Variants in FRMD5 observed in about 807,000 individuals in gnomAD.
FRMD5 encodes the protein FERM domain-containing protein 5.
Under a neutral mutation model 69.0 loss-of-function variants are expected in FRMD5, and 20 were observed. That is an observed-to-expected ratio of 0.29 (90% CI 0.20 to 0.42). The LOEUF (loss-of-function observed/expected upper bound fraction) is 0.42, where lower values mean the gene tolerates loss of function less well. FRMD5 is among the 10% of genes least tolerant of loss of function. The pLI is 1.00. For missense variants in FRMD5, 595 were observed against 708.6 expected (o/e 0.84, Z 1.82); for synonymous variants, 271 against 260.1 (o/e 1.04, Z -0.40).
chr15:44,194,799 G>T, intron 1 of FRMD5, 154 bp downstream of exon 1: 2 of 731,324 alleles, frequency 2.7e-6, no homozygotes, highest in Non-Finnish European at 4.8e-6. Flanking sequence ...CGGTGAAGAC[G>T]CCCTGCACTA....
At chr15:44,114,753 T>C (rs1444082903) in intron 1 of FRMD5, among the ~76,000 whole-genome samples, 1 of 152,230 alleles carries the variant, frequency 6.6e-6, no homozygotes, top group African/African-American at 2.4e-5. Context: ...TATTTCATAA[T>C]ACTTTAAAAT....
At chr15:44,168,733 AT>A (rs1223829839) in intron 1 of FRMD5, among the ~76,000 whole-genome samples, 8 of 152,206 alleles carry the variant, frequency 5.3e-5, no homozygotes, top group Non-Finnish European at 1.0e-4. Context: ...ATTTGCCAAT[AT>A]CCCCAACGTA....
At chr15:44,013,403 C>A (rs531448684) in intron 1 of FRMD5, among the ~76,000 whole-genome samples, 2 of 152,258 alleles carry the variant, frequency 1.3e-5, no homozygotes, top group South Asian at 4.1e-4. Context: ...AATTCATGAG[C>A]ATTTTCTCAC....
At chr15:43,934,846 T>C (rs916659052) in intron 1 of FRMD5, among the ~76,000 whole-genome samples, 2 of 152,216 alleles carry the variant, frequency 1.3e-5, no homozygotes, top group African/African-American at 4.8e-5. Context: ...GACTGCTGGA[T>C]TTCTATATGC....
chr15:44,173,027 T>C (rs1197399865), intron 1 of FRMD5, among the ~76,000 whole-genome samples: 2 of 152,194 alleles, frequency 1.3e-5, no homozygotes, highest in Non-Finnish European at 2.9e-5. Context: ...CTTGTCATCA[T>C]TATTGGAGCA....
intron 1 of FRMD5, among the ~76,000 whole-genome samples, chr15:44,153,530 C>G (rs1318906591): frequency 1.3e-5 from 2 of 151,954 alleles, no homozygotes; most frequent in Non-Finnish European, 2.9e-5. Flanking sequence ...ATGGTGGTTA[C>G]CAGGGGTTGA....
intron 1 of FRMD5, among the ~76,000 whole-genome samples, chr15:44,009,611 C>T (rs889010304): frequency 5.9e-5 from 9 of 151,954 alleles, no homozygotes; most frequent in African/African-American, 1.9e-4. Context: ...CCTGGGAAGT[C>T]GAGGCTGCGG....
At chr15:44,092,489 AGTT>A (rs1447564903) in intron 1 of FRMD5, among the ~76,000 whole-genome samples, 1 of 152,130 alleles carries the variant, frequency 6.6e-6, no homozygotes, top group Non-Finnish European at 1.5e-5. Flanking sequence ...AAAGACACAC[AGTT>A]GTTGTTGTCA....
intron 7 of FRMD5, among the ~76,000 whole-genome samples, chr15:43,897,548 GTTC>G (rs1421642049): frequency 2.0e-5 from 3 of 151,406 alleles, no homozygotes; most frequent in East Asian, 3.9e-4. Flanking sequence ...GGGGGATGGG[GTTC>G]TTCTTTAGAG....
chr15:44,173,890 CACTAAAATGTATAAAGT>C (rs1319493146), intron 1 of FRMD5, among the ~76,000 whole-genome samples: 1 of 152,078 alleles, frequency 6.6e-6, no homozygotes, highest in Non-Finnish European at 1.5e-5. Context: ...AGCTAAATAG[CACTAAAATGTATAAAGT>C]ACTTTCAGAT....
intron 1 of FRMD5, among the ~76,000 whole-genome samples, chr15:43,950,528 C>T (rs1304903063): frequency 6.6e-6 from 1 of 152,156 alleles, no homozygotes; most frequent in Non-Finnish European, 1.5e-5. Flanking sequence ...CATTCACACC[C>T]ATTCCTGTGG....
chr15:43,932,083 CTG>C (rs2140467065), intron 1 of FRMD5, among the ~76,000 whole-genome samples: 1 of 152,326 alleles, frequency 6.6e-6, no homozygotes, highest in African/African-American at 2.4e-5. Context: ...CTAAGGATGA[CTG>C]TGGGGCTAAA....
intron 1 of FRMD5, among the ~76,000 whole-genome samples, chr15:43,970,711 C>G (rs922307740): frequency 6.6e-6 from 1 of 152,184 alleles, no homozygotes; most frequent in Admixed American, 6.5e-5. Flanking sequence ...CCTTGGCCTC[C>G]CAAAGTGCTG....
intron 1 of FRMD5, among the ~76,000 whole-genome samples, chr15:44,155,303 G>A (rs570474379): frequency 1.6e-4 from 24 of 151,874 alleles, no homozygotes; most frequent in Non-Finnish European, 2.5e-4. Flanking sequence ...ATGGTGGCAC[G>A]TGCCTGTAGT....
intron 7 of FRMD5, chr15:43,901,877 G>C (rs1595498695): frequency 2.8e-6 from 1 of 355,598 alleles, no homozygotes. Flanking sequence ...TCTGTGGGGG[G>C]CCTTCCATAT....
At chr15:43,970,118 T>C (rs931168674) in intron 1 of FRMD5, among the ~76,000 whole-genome samples, 54 of 152,256 alleles carry the variant, frequency 3.5e-4, no homozygotes, top group African/African-American at 1.3e-3. Flanking sequence ...ATGTGATTGA[T>C]GAACTAGATG....
In FRMD5 at chr15:43,905,899, C is replaced by T. The variant is rs771159532; in HGVS notation, c.480G>A (p.Lys160=). 1.9e-6 allele frequency: 3 copies of T among 1,614,260 alleles called. No homozygotes were observed. The highest frequency in any genetic ancestry group is 2.5e-6 in the Non-Finnish European group (3 of 1,180,032). The change falls in exon 6 of 14, where the codon AAG becomes AAA. Residue 160 remains lysine (K), a synonymous_variant. Coordinates refer to ENST00000417257, the MANE Select transcript of FRMD5 (RefSeq NM_032892.5). ...CTGAATGTTTAGGGAAAAACTGGAA[C>T]TTGGAGCTGTAGCCTTCAGGGTGTT... ...SGKHPEGYSS[K]FQFFPKHSEK...
chr15:43,874,478 G>A lies in FRMD5; in HGVS notation c.1136-16C>T, dbSNP rs1401664077. 2 of 1,599,562 alleles carry A rather than the reference G, an allele frequency of 1.3e-6. No individual in the cohort carries two copies. Among genetic ancestry groups the A allele is most frequent in the East Asian group, 2.2e-5 (1 of 44,762 alleles). ...GACTCTAGGCCTAGAAAGGCAAAAG[G>A]AACATGAGTAGGCTGTGTCCCAATG... is the stretch of plus-strand genomic sequence containing the variant. On this transcript the variant is annotated splice_polypyrimidine_tract_variant and intron_variant, in intron 13 of 13. Transcript: ENST00000417257.
chr15:44,006,722 A>T (rs1890466842), intron 1 of FRMD5, among the ~76,000 whole-genome samples: 1 of 152,226 alleles, frequency 6.6e-6, no homozygotes, highest in African/African-American at 2.4e-5. Context: ...AGAAAACTAG[A>T]ATTAGAAGTT....
Sources: allele counts gnomAD v4.1 joint callset (sites outside exome capture counted in the v4.1 genomes callset), GRCh38; gene constraint gnomAD v4.1.1; transcripts MANE v1.5; gene names NCBI Gene and HGNC (gene_info 2026-07-23, HGNC 2026-07-21).